MAGI1: variants seen among roughly 807,000 people sequenced by gnomAD.
The protein encoded by MAGI1 is membrane-associated guanylate kinase, WW and PDZ domain-containing protein 1.
MAGI1 carries 58 observed loss-of-function variants against 139.9 expected under a neutral mutation model. The observed-to-expected ratio is 0.41, with a 90% CI of 0.34 to 0.52. The LOEUF (loss-of-function observed/expected upper bound fraction) is 0.52, where lower values mean the gene tolerates loss of function less well. MAGI1 is among the 20% of genes least tolerant of loss of function. MAGI1 has a pLI of 0.12. For missense variants in MAGI1, 1,874 were observed against 1,901.6 expected (o/e 0.99, Z 0.27); for synonymous variants, 812 against 737.9 (o/e 1.10, Z -1.63).
intron 2 of MAGI1, among the ~76,000 whole-genome samples, chr3:65,519,395 A>AT (rs879368392): frequency 2.1e-5 from 3 of 145,314 alleles, no homozygotes; most frequent in South Asian, 2.2e-4. Flanking sequence ...CATATATATA[A>AT]TTTTTTTTTG....
At chr3:65,668,569 T>C (rs913620640) in intron 1 of MAGI1, among the ~76,000 whole-genome samples, 53 of 140,298 alleles carry the variant, frequency 3.8e-4, no homozygotes, top group African/African-American at 8.8e-4. Flanking sequence ...TTTCTTTTTT[T>C]TTTTTTTTTT....
At chr3:65,728,067 A>G (rs982186463) in intron 1 of MAGI1, among the ~76,000 whole-genome samples, 1 of 152,146 alleles carries the variant, frequency 6.6e-6, no homozygotes, top group African/African-American at 2.4e-5. Context: ...AATGTAAGCT[A>G]ACATAATGTA....
At chr3:65,999,870 C>G (rs1301721477) in intron 1 of MAGI1, among the ~76,000 whole-genome samples, 1 of 151,716 alleles carries the variant, frequency 6.6e-6, no homozygotes, top group Non-Finnish European at 1.5e-5. Flanking sequence ...CAGAGTTAAC[C>G]TTACTCTACC....
At chr3:65,990,409 C>T (rs540624873) in intron 1 of MAGI1, among the ~76,000 whole-genome samples, 2 of 152,258 alleles carry the variant, frequency 1.3e-5, no homozygotes, top group South Asian at 2.1e-4. Context: ...GGATGAGTAC[C>T]GCCTACCAAA....
intron 1 of MAGI1, among the ~76,000 whole-genome samples, chr3:65,941,283 GT>G (rs1368548450): frequency 6.6e-6 from 1 of 151,768 alleles, no homozygotes; most frequent in Admixed American, 6.6e-5. Context: ...GGAGGTGGAG[GT>G]TGCAGTGAGC....
At chr3:65,824,501 G>A (rs761170541) in intron 1 of MAGI1, among the ~76,000 whole-genome samples, 1 of 152,200 alleles carries the variant, frequency 6.6e-6, no homozygotes, top group Non-Finnish European at 1.5e-5. Context: ...ACATGTGAAC[G>A]GTGCTGGAGA....
intron 1 of MAGI1, among the ~76,000 whole-genome samples, chr3:65,968,104 G>C (rs992532754): frequency 6.6e-6 from 1 of 152,120 alleles, no homozygotes; most frequent in Non-Finnish European, 1.5e-5. Context: ...GACAGAAATG[G>C]AAAGAAAAAT....
At chr3:65,392,248 A>G (rs905714632) in intron 13 of MAGI1, among the ~76,000 whole-genome samples, 4 of 152,240 alleles carry the variant, frequency 2.6e-5, no homozygotes, top group Non-Finnish European at 5.9e-5. Context: ...GAATGAATGG[A>G]GAGTAAGACC....
intron 1 of MAGI1, among the ~76,000 whole-genome samples, chr3:65,939,919 A>C (rs964890268): frequency 1.3e-5 from 2 of 152,208 alleles, no homozygotes; most frequent in African/African-American, 4.8e-5. Context: ...CTGGAGATCA[A>C]GGAAGAATAA....
intron 1 of MAGI1, among the ~76,000 whole-genome samples, chr3:65,628,430 G>A (rs909552917): frequency 6.6e-6 from 1 of 152,074 alleles, no homozygotes; most frequent in Non-Finnish European, 1.5e-5. Flanking sequence ...AAGTTTCCAA[G>A]TGTCATCTCC....
At chr3:65,709,984 A>G (rs2031106840) in intron 1 of MAGI1, among the ~76,000 whole-genome samples, 1 of 152,202 alleles carries the variant, frequency 6.6e-6, no homozygotes, top group South Asian at 2.1e-4. Context: ...AAGCTTCTCC[A>G]AAAAGCTGAC....
intron 1 of MAGI1, among the ~76,000 whole-genome samples, chr3:65,936,948 A>ATGGTGGTGGTGG (rs1560032105): frequency 3.4e-5 from 5 of 147,594 alleles, no homozygotes; most frequent in African/African-American, 1.3e-4. Context: ...GGTGGTGGTG[A>ATGGTGGTGGTGG]TGGTGATGGT....
chr3:65,927,987 T>C (rs1385036987), intron 1 of MAGI1, among the ~76,000 whole-genome samples: 1 of 152,218 alleles, frequency 6.6e-6, no homozygotes, highest in South Asian at 2.1e-4. Context: ...TACTTAAAAT[T>C]GCAACCCAAG....
rs556834457 is a variant in MAGI1 at position 65,453,465 on chromosome 3, A to C, written c.960-125T>G. 45 of 702,036 alleles carry C rather than the reference A, an allele frequency of 6.4e-5. No homozygotes were observed. In the South Asian group the frequency reaches 8.0e-4, roughly 12 times the overall value. The allele number at this position is 702,036 out of a possible 1,614,324, so 43.5% of individuals were successfully genotyped here. A position where few individuals can be genotyped will look rare whatever the true frequency, so the allele number is the denominator to read the frequency against. On this transcript the variant is annotated intron_variant, in intron 5 of 22. Coordinates refer to ENST00000402939, the MANE Select transcript of MAGI1 (RefSeq NM_001033057.2). ...AACTACAACAAAGATGCTTTCCAACAGCAAATCCAAACCAGAAGAGAGCCT... is the reference window on the plus strand; with the variant it reads ...AACTACAACAAAGATGCTTTCCAACCGCAAATCCAAACCAGAAGAGAGCCT...
At chr3:65,812,293 A>T (rs1468422642) in intron 1 of MAGI1, among the ~76,000 whole-genome samples, 1 of 152,056 alleles carries the variant, frequency 6.6e-6, no homozygotes. Flanking sequence ...AAAAATGTTA[A>T]TTGTTGCTGT....
intron 1 of MAGI1, chr3:65,717,665 T>G (rs553880807): frequency 2.6e-5 from 4 of 152,176 alleles, no homozygotes; most frequent in Non-Finnish European, 5.9e-5. Flanking sequence ...TCTTGCAATA[T>G]CTAGACATTC....
At chr3:65,882,041 A>C (rs938477008) in intron 1 of MAGI1, among the ~76,000 whole-genome samples, 3 of 152,236 alleles carry the variant, frequency 2.0e-5, no homozygotes, top group Admixed American at 6.5e-5. Context: ...GAGGTTTGCC[A>C]ACAGGGAGAA....
intron 1 of MAGI1, among the ~76,000 whole-genome samples, chr3:65,791,159 C>T (rs1163319994): frequency 6.6e-6 from 1 of 152,216 alleles, no homozygotes; most frequent in Admixed American, 6.5e-5. Context: ...CCCCACACAG[C>T]GCGTGCTGTC....
chr3:65,830,078 G>A (rs1575632787), intron 1 of MAGI1, among the ~76,000 whole-genome samples: 1 of 152,252 alleles, frequency 6.6e-6, no homozygotes, highest in Non-Finnish European at 1.5e-5. Context: ...CACATACAGA[G>A]GCAAAGATCT....
Sources: gnomAD v4.1 joint callset for allele counts (sites outside exome capture counted in the v4.1 genomes callset) on GRCh38, gnomAD v4.1.1 for gene constraint, MANE v1.5 for transcripts, NCBI Gene and HGNC (gene_info 2026-07-23, HGNC 2026-07-21) for gene names.